Variants in BRAP observed in about 807,000 individuals in gnomAD.
BRAP encodes BRCA1 associated protein.
A neutral mutation model predicts 73.4 loss-of-function variants in BRAP; 42 were observed. The ratio of observed to expected loss-of-function variants is 0.57; its 90% CI spans 0.45 to 0.74. The LOEUF (loss-of-function observed/expected upper bound fraction) is 0.74, where lower values mean the gene tolerates loss of function less well. Among genes scored for constraint, BRAP ranks in the 30% least tolerant of loss-of-function variants. The pLI is 0.00. For synonymous variants in BRAP, 255 were observed against 267.4 expected (o/e 0.95, Z 0.45); for missense variants, 593 against 751.4 (o/e 0.79, Z 2.46).
intron 10 of BRAP, among the ~76,000 whole-genome samples, chr12:111,654,122 G>A (rs1464827563): frequency 3.3e-5 from 5 of 152,276 alleles, no homozygotes; most frequent in South Asian, 2.1e-4. Flanking sequence ...TTCACAGTAC[G>A]CGGCAGCGAC....
At chr12:111,671,963 A>G (rs1339199898) in intron 5 of BRAP, among the ~76,000 whole-genome samples, 1 of 152,060 alleles carries the variant, frequency 6.6e-6, no homozygotes, top group Non-Finnish European at 1.5e-5. Flanking sequence ...TGCTCAAGCG[A>G]TCCGTCACCT....
chr12:111,663,492 C>A (rs553884022), intron 6 of BRAP, among the ~76,000 whole-genome samples: 1 of 152,114 alleles, frequency 6.6e-6, no homozygotes, highest in East Asian at 1.9e-4. Flanking sequence ...TTATTAAATT[C>A]TTCCTGCCTT....
chr12:111,682,539 T>C (rs1222430049), intron 2 of BRAP, among the ~76,000 whole-genome samples: 5 of 128,950 alleles, frequency 3.9e-5, no homozygotes, highest in African/African-American at 5.7e-5. Flanking sequence ...AAAGAAAAAA[T>C]GAGCTGGCAG....
Position 111,672,649 on chromosome 12 carries a change from A to G in BRAP, c.747+12T>C, listed in dbSNP as rs759288895. 11 of 1,598,382 alleles carry G rather than the reference A, an allele frequency of 6.9e-6. No individual in the cohort carries two copies. The East Asian group carries it at 2.5e-4, about 36-fold the overall frequency. The stretch of plus-strand genomic sequence containing the variant: ...TATATTTTAATTAAATATAGGAACA[A>G]TTCACACTTACATCTTCAGATTTGA... On this transcript the variant is annotated intron_variant, in intron 5 of 11. Coordinates refer to ENST00000419234, the MANE Select transcript of BRAP (RefSeq NM_006768.5).
intron 3 of BRAP, among the ~76,000 whole-genome samples, 166 bp from the exon 4 acceptor site, chr12:111,679,506 T>C (rs2135929255): frequency 6.6e-6 from 1 of 152,320 alleles, no homozygotes; most frequent in South Asian, 2.1e-4. Flanking sequence ...AATCTTCAGT[T>C]CAACATTTAT....
chr12:111,677,768 G>C (rs1466943146), intron 4 of BRAP, among the ~76,000 whole-genome samples: 4 of 152,144 alleles, frequency 2.6e-5, no homozygotes, highest in Non-Finnish European at 4.4e-5. Flanking sequence ...CTATTCAAGT[G>C]CTTTTCTGTT....
intron 11 of BRAP, among the ~76,000 whole-genome samples, chr12:111,649,187 C>G (rs1184729068): frequency 6.6e-6 from 1 of 152,146 alleles, no homozygotes; most frequent in Non-Finnish European, 1.5e-5. Flanking sequence ...CAGGGTCTCG[C>G]TGTTGCCCAG....
chr12:111,662,049 C>T (rs1244478446), intron 6 of BRAP, among the ~76,000 whole-genome samples: 4 of 152,126 alleles, frequency 2.6e-5, no homozygotes, highest in African/African-American at 7.2e-5. Flanking sequence ...GTGGAAGATA[C>T]CAGTGCTCTA....
intron 6 of BRAP, among the ~76,000 whole-genome samples, chr12:111,661,718 T>G (rs1009000042): frequency 1.3e-5 from 2 of 151,440 alleles, no homozygotes; most frequent in African/African-American, 4.8e-5. Flanking sequence ...AAAAGGTTTT[T>G]TTTTTTTTTG....
chr12:111,677,437 C>T (rs1236703939), intron 4 of BRAP, among the ~76,000 whole-genome samples: 1 of 152,210 alleles, frequency 6.6e-6, no homozygotes, highest in African/African-American at 2.4e-5. Context: ...GGGTGCCACA[C>T]TCTTGCTTGT....
At chr12:111,685,500 G>A (rs988755376) in intron 1 of BRAP, 2 of 1,196,082 alleles carry the variant, frequency 1.7e-6, no homozygotes, top group South Asian at 1.9e-5. Flanking sequence ...AGACGGCACA[G>A]GGAGGGAGGT....
At chr12:111,666,518 G>A (rs1349460309) in intron 5 of BRAP, among the ~76,000 whole-genome samples, 1 of 152,184 alleles carries the variant, frequency 6.6e-6, no homozygotes, top group Non-Finnish European at 1.5e-5. Context: ...GAACAGTGGT[G>A]AGCAAAAACA....
At chr12:111,657,095 G>A (rs1274624931) in intron 9 of BRAP, among the ~76,000 whole-genome samples, 1 of 151,950 alleles carries the variant, frequency 6.6e-6, no homozygotes. Flanking sequence ...CCAGGCTGGA[G>A]TGCAATGGCG....
intron 4 of BRAP, among the ~76,000 whole-genome samples, chr12:111,677,552 T>C (rs1333871541): frequency 6.6e-6 from 1 of 152,190 alleles, no homozygotes; most frequent in African/African-American, 2.4e-5. Context: ...CGCAAGGGAT[T>C]GTAGTGAGGA....
intron 6 of BRAP, 145 bp from the exon 7 acceptor site, chr12:111,660,820 T>C: frequency 9.3e-6 from 5 of 536,792 alleles, no homozygotes; most frequent in East Asian, 3.5e-5. Context: ...TAAAATAAAA[T>C]ATACAAAATA....
chr12:111,643,952 A>T lies in BRAP; in HGVS notation c.*247T>A, dbSNP rs2135887589. ...GGCTTCTACCAAGCAGGAAGGCAAA[A>T]TGGTCATTAGAATGTGAGGTTAGTG... On this transcript the variant is annotated 3_prime_UTR_variant, in exon 12 of 12. Coordinates refer to ENST00000419234, the MANE Select transcript of BRAP (RefSeq NM_006768.5). 2.0e-6 allele frequency: 1 copy of T among 511,244 alleles called. No homozygotes were observed. The highest frequency in any genetic ancestry group is 3.4e-5 in the East Asian group (1 of 29,416). 31.7% of individuals were successfully genotyped at this position (511,244 alleles called of 1,614,324 possible).
rs1477612251 is a variant in BRAP, at chr12:111,650,132, C to A, written c.1312-90G>T. On this transcript the variant is annotated intron_variant, in intron 10 of 11. Transcript: ENST00000419234. ...ACATCATATTTTTCCCCCCAATTAT[C>A]TGTATATAACTTTGACAAACCAAAA... 4 of 841,258 alleles carry A rather than the reference C, an allele frequency of 4.8e-6. No individual in the cohort carries two copies. The Admixed American group carries it at 1.3e-4, about 27-fold the overall frequency. The allele number at this position is 841,258 out of a possible 1,614,324, so 52.1% of individuals were successfully genotyped here.
rs1005261911 is a variant in BRAP, at chr12:111,642,610, G to A, written c.*1589C>T. 3 of 152,076 alleles carry A rather than the reference G, an allele frequency of 2.0e-5. No homozygotes were observed. Among genetic ancestry groups the A allele is most frequent in the Admixed American group, 6.6e-5 (1 of 15,252 alleles). The allele number at this position is 152,076 out of a possible 1,614,324, so 9.4% of individuals were successfully genotyped here. On this transcript the variant is annotated 3_prime_UTR_variant, in exon 12 of 12. Transcript: ENST00000419234. ...GCAAGACAAGTACTTGGCCAAAACA[G>A]CAGGATTCTAACTAGTGTAAAAATA...
At chr12:111,656,810 T>G (rs1452489684) in intron 9 of BRAP, among the ~76,000 whole-genome samples, 1 of 152,172 alleles carries the variant, frequency 6.6e-6, no homozygotes, top group Non-Finnish European at 1.5e-5. Flanking sequence ...CACGACTCAC[T>G]GCAACCTCAA....
Sources: allele counts gnomAD v4.1 joint callset (sites outside exome capture counted in the v4.1 genomes callset), GRCh38; gene constraint gnomAD v4.1.1; transcripts MANE v1.5; gene names NCBI Gene and HGNC (gene_info 2026-07-23, HGNC 2026-07-21).